SERINC5: variants seen among roughly 807,000 people sequenced by gnomAD.
SERINC5 encodes the protein chromosome 5 open reading frame 12.
SERINC5 carries 41 observed loss-of-function variants against 63.1 expected under a neutral mutation model. The ratio of observed to expected loss-of-function variants is 0.65; its 90% confidence interval spans 0.51 to 0.84. The LOEUF (loss-of-function observed/expected upper bound fraction) is 0.84. Among genes scored for constraint, SERINC5 ranks in the 40% least tolerant of loss-of-function variants. The pLI, the probability that SERINC5 is intolerant of heterozygous loss-of-function variation, is 0.00. For missense variants in SERINC5, 523 were observed against 573.0 expected (o/e 0.91, Z 0.89); for synonymous variants, 222 against 215.2 (o/e 1.03, Z -0.28).
rs940139957 is a variant in SERINC5 at position 80,143,518 on chromosome 5, A to G, written c.*145T>C. 21 of 1,374,610 alleles carry G rather than the reference A, an allele frequency of 1.5e-5. No individual in the cohort carries two copies. The highest frequency in any genetic ancestry group is 1.8e-5 in the Non-Finnish European group (19 of 1,067,206). 85.2% of individuals were successfully genotyped at this position (1,374,610 alleles called of 1,614,324 possible). The stretch of plus-strand genomic sequence containing the variant: ...TTTTGAATTTCAAAAGTAAAAAGCT[A>G]ATCAGGAGATTTTTTTTTTTCTCTC... On this transcript the variant is annotated 3_prime_UTR_variant, in exon 12 of 12. Coordinates refer to ENST00000507668, the MANE Select transcript of SERINC5 (RefSeq NM_001174072.3).
rs553205420 is a variant in SERINC5, at chr5:80,248,019, A to G, written c.27+7877T>C. Among the ~76,000 whole-genome samples, 4 of 151,900 alleles carry G rather than the reference A, an allele frequency of 2.6e-5. No individual in the cohort carries two copies. The South Asian group carries it at 8.4e-4, about 32-fold the overall frequency. The stretch of plus-strand genomic sequence containing the variant: ...GCACACACACCACCATGCCCTGGCT[A>G]ATTTTTGTTTTTTGTAGAGACAGGG... On this transcript the variant is annotated intron_variant, in intron 1 of 11. Transcript: ENST00000507668.
intron 1 of SERINC5, among the ~76,000 whole-genome samples, chr5:80,222,478 C>T (rs1214632962): frequency 1.3e-5 from 2 of 149,434 alleles, no homozygotes; most frequent in Non-Finnish European, 3.0e-5. Flanking sequence ...CAAAACTGGA[C>T]CACGTGGGAA....
At chr5:80,137,957 T>C (rs1745282227), downstream of SERINC5, among the ~76,000 whole-genome samples, 1 of 151,668 alleles carries the variant, frequency 6.6e-6, no homozygotes, top group Non-Finnish European at 1.5e-5. Context: ...AAAAGTGGTA[T>C]ATATACACAA....
chr5:80,187,881 G>A lies in SERINC5; in HGVS notation c.196-9817C>T, dbSNP rs570761487. ...CCGTTATACAATAAGCTCCAAAGGA[G>A]ACAACTCCCAGAAGACTGACTAATT... On this transcript the variant is annotated intron_variant, in intron 2 of 11. Coordinates refer to ENST00000507668, the MANE Select transcript of SERINC5 (RefSeq NM_001174072.3). Among the ~76,000 whole-genome samples the A allele has an allele frequency of 6.8e-4, 103 of 152,294 alleles. No homozygotes were observed. The South Asian group carries it at 0.019, about 28-fold the overall frequency.
chr5:80,216,554 T>C (rs1750673008), intron 1 of SERINC5, among the ~76,000 whole-genome samples: 1 of 152,102 alleles, frequency 6.6e-6, no homozygotes. Context: ...TGGCACCCAC[T>C]GAGGCAACAA....
At chr5:80,206,929 C>T (rs1430162588) in intron 1 of SERINC5, among the ~76,000 whole-genome samples, 4 of 150,810 alleles carry the variant, frequency 2.7e-5, no homozygotes, top group Non-Finnish European at 5.9e-5. Flanking sequence ...AAGCACAGGA[C>T]ACCATGATAC....
intron 11 of SERINC5, among the ~76,000 whole-genome samples, chr5:80,132,763 C>T (rs112730453): frequency 7.9e-5 from 12 of 152,194 alleles, no homozygotes; most frequent in African/African-American, 2.6e-4. Context: ...CCGTGCCTGG[C>T]CCTTAGTTCT....
intron 2 of SERINC5, among the ~76,000 whole-genome samples, chr5:80,194,051 T>C (rs1749354614): frequency 6.6e-6 from 1 of 152,206 alleles, no homozygotes; most frequent in Non-Finnish European, 1.5e-5. Context: ...AACCCACTTT[T>C]AATCTCAAAA....
At chr5:80,195,734 G>C (rs1057189579) in intron 2 of SERINC5, among the ~76,000 whole-genome samples, 1 of 152,178 alleles carries the variant, frequency 6.6e-6, no homozygotes, top group Non-Finnish European at 1.5e-5. Flanking sequence ...AAGAACCACA[G>C]AAGTATTTTA....
intron 1 of SERINC5, among the ~76,000 whole-genome samples, chr5:80,214,721 ACT>A (rs1008069048): frequency 6.6e-6 from 1 of 152,070 alleles, no homozygotes; most frequent in South Asian, 2.1e-4. Context: ...ACATGGTGAA[ACT>A]CTGTCTCTAC....
In SERINC5 at chr5:80,141,038, C is replaced by T. The variant is rs149722062; in HGVS notation, c.*2625G>A. The T allele has an allele frequency of 6.1e-6, 6 of 985,282 alleles. No individual in the cohort carries two copies. Among genetic ancestry groups the T allele is most frequent in the Non-Finnish European group, 7.2e-6 (6 of 829,910 alleles). 61.0% of individuals were successfully genotyped at this position (985,282 alleles called of 1,614,324 possible). A position where few individuals can be genotyped will look rare whatever the true frequency, so the allele number is the denominator to read the frequency against. The stretch of plus-strand genomic sequence containing the variant: ...TTTCTCAAATCACAATTGCACAAAA[C>T]TGTAGATTCTTTAAATCCAGGAATG... On this transcript the variant is annotated 3_prime_UTR_variant, in exon 12 of 12. Transcript: ENST00000507668.
chr5:80,158,374 C>T (rs1746670249), intron 8 of SERINC5: 1 of 160,192 alleles, frequency 6.2e-6, no homozygotes, highest in Non-Finnish European at 1.4e-5. Context: ...TGACCACGCA[C>T]ACAGCACTCT....
chr5:80,137,014 G>A (rs562607336), downstream of SERINC5, among the ~76,000 whole-genome samples: 3 of 151,938 alleles, frequency 2.0e-5, no homozygotes, highest in South Asian at 6.3e-4. Flanking sequence ...ACATGCGCCT[G>A]TAACCCCAGC....
intron 5 of SERINC5, among the ~76,000 whole-genome samples, chr5:80,174,554 T>TA (rs1747897605): frequency 6.6e-6 from 1 of 151,980 alleles, no homozygotes; most frequent in South Asian, 2.1e-4. Flanking sequence ...CTTTAGTTGT[T>TA]CTATTAAGAG....
intron 2 of SERINC5, among the ~76,000 whole-genome samples, chr5:80,192,410 T>C (rs960651731): frequency 3.9e-4 from 59 of 151,240 alleles, no homozygotes; most frequent in Admixed American, 3.8e-3. Flanking sequence ...CTTAAGTGAA[T>C]CAAACTGTGT....
rs906309065 is a variant in SERINC5, at chr5:80,143,504, A to C, written c.*159T>G. 2.2e-6 allele frequency: 3 copies of C among 1,356,142 alleles called. No homozygotes were observed. The highest frequency in any genetic ancestry group is 2.8e-6 in the Non-Finnish European group (3 of 1,057,294). 84.0% of individuals were successfully genotyped at this position (1,356,142 alleles called of 1,614,324 possible). On this transcript the variant is annotated 3_prime_UTR_variant, in exon 12 of 12. Transcript: ENST00000507668. ...AACTGGTAGTTTCTTTTTGAATTTC[A>C]AAAGTAAAAAGCTAATCAGGAGATT... is the stretch of plus-strand genomic sequence containing the variant.
At chr5:80,184,937 C>T (rs1256247154) in intron 2 of SERINC5, among the ~76,000 whole-genome samples, 12 of 152,010 alleles carry the variant, frequency 7.9e-5, no homozygotes, top group South Asian at 2.1e-4. Context: ...AGTGCAGTGG[C>T]GCAATCTCGG....
chr5:80,189,417 C>G (rs1200330658), intron 2 of SERINC5, among the ~76,000 whole-genome samples: 1 of 152,184 alleles, frequency 6.6e-6, no homozygotes, highest in South Asian at 2.1e-4. Context: ...GAGCCAAAGA[C>G]ACAAATCTAT....
chr5:80,190,685 G>A (rs560347715), intron 2 of SERINC5, among the ~76,000 whole-genome samples: 2 of 152,212 alleles, frequency 1.3e-5, no homozygotes, highest in Admixed American at 6.5e-5. Context: ...TGGTTAATTC[G>A]GACTAGTCAT....
Sources: allele counts gnomAD v4.1 joint callset (sites outside exome capture counted in the v4.1 genomes callset), GRCh38; gene constraint gnomAD v4.1.1; transcripts MANE v1.5; gene names NCBI Gene and HGNC (gene_info 2026-07-23, HGNC 2026-07-21).